HIBADH: variants seen among roughly 807,000 people sequenced by gnomAD.
HIBADH encodes the protein 3-hydroxyisobutyrate dehydrogenase, mitochondrial.
A neutral mutation model predicts 36.1 loss-of-function variants in HIBADH; 25 were observed. The ratio of observed to expected loss-of-function variants is 0.69; its 90% CI spans 0.50 to 0.97. HIBADH has a LOEUF of 0.97. Among genes scored for constraint, HIBADH ranks in the 50% least tolerant of loss-of-function variants. HIBADH has a pLI of 0.00. For synonymous variants in HIBADH, 160 were observed against 149.5 expected (o/e 1.07, Z -0.51); for missense variants, 421 against 418.0 (o/e 1.01, Z -0.06).
intron 4 of HIBADH, among the ~76,000 whole-genome samples, chr7:27,601,348 T>G (rs1228594818): frequency 6.6e-6 from 1 of 152,128 alleles, no homozygotes; most frequent in East Asian, 1.9e-4. Context: ...ACCAATATAA[T>G]TCTTTCAGTA....
At chr7:27,608,936 C>T (rs1305192284) in intron 4 of HIBADH, among the ~76,000 whole-genome samples, 1 of 152,182 alleles carries the variant, frequency 6.6e-6, no homozygotes, top group African/African-American at 2.4e-5. Flanking sequence ...AACACAGGTT[C>T]CCCCTCTACC....
At chr7:27,535,249 T>C (rs1784056741) in intron 6 of HIBADH, among the ~76,000 whole-genome samples, 1 of 151,982 alleles carries the variant, frequency 6.6e-6, no homozygotes, top group Non-Finnish European at 1.5e-5. Context: ...ACAAGCTTTT[T>C]GGCCATTTAC....
chr7:27,653,195 A>C (rs946801001), intron 1 of HIBADH, among the ~76,000 whole-genome samples: 1 of 152,222 alleles, frequency 6.6e-6, no homozygotes, highest in African/African-American at 2.4e-5. Context: ...GTCCATAACA[A>C]AGTCAAAATT....
At chr7:27,629,296 T>C in intron 4 of HIBADH, 75 bp downstream of exon 4, 2 of 1,446,086 alleles carry the variant, frequency 1.4e-6, no homozygotes, top group East Asian at 2.4e-5. Context: ...TACAAAACCA[T>C]ATGGTACAAC....
chr7:27,546,560 C>T (rs114275588), intron 4 of HIBADH, among the ~76,000 whole-genome samples: 1,701 of 152,196 alleles, frequency 0.011, 38 homozygotes, highest in African/African-American at 0.039. Flanking sequence ...GTTTGGGCCG[C>T]ACCTATAAAT....
chr7:27,591,725 T>G (rs898403632), intron 4 of HIBADH, among the ~76,000 whole-genome samples: 1 of 152,258 alleles, frequency 6.6e-6, no homozygotes, highest in Non-Finnish European at 1.5e-5. Context: ...TACAACTAAA[T>G]CTGTCCCCTT....
intron 1 of HIBADH, among the ~76,000 whole-genome samples, chr7:27,653,803 G>A (rs1786245392): frequency 6.6e-6 from 1 of 152,148 alleles, no homozygotes; most frequent in Non-Finnish European, 1.5e-5. Context: ...GATATACCTG[G>A]TAGCCATTTG....
intron 4 of HIBADH, 82 bp from the exon 5 acceptor site, chr7:27,543,182 C>A: frequency 2.7e-6 from 4 of 1,455,982 alleles, no homozygotes; most frequent in Non-Finnish European, 2.8e-6. Flanking sequence ...ATTAGAGAAA[C>A]CAACTAAAAA....
At chr7:27,658,414 C>T (rs948127269) in intron 1 of HIBADH, among the ~76,000 whole-genome samples, 2 of 152,132 alleles carry the variant, frequency 1.3e-5, no homozygotes, top group African/African-American at 4.8e-5. Context: ...GAAAACTTGG[C>T]AAAGTTTGTT....
At chr7:27,550,090 T>C (rs1433144968) in intron 4 of HIBADH, among the ~76,000 whole-genome samples, 1 of 152,062 alleles carries the variant, frequency 6.6e-6, no homozygotes, top group Non-Finnish European at 1.5e-5. Flanking sequence ...TTTGTATTTT[T>C]AGTAGAGATG....
intron 4 of HIBADH, among the ~76,000 whole-genome samples, chr7:27,557,048 G>A (rs1019184463): frequency 9.2e-5 from 14 of 151,960 alleles, no homozygotes; most frequent in South Asian, 4.2e-4. Flanking sequence ...GCTGAGGCAG[G>A]AGGATCACTT....
At chr7:27,554,995 A>G (rs1290327084) in intron 4 of HIBADH, among the ~76,000 whole-genome samples, 1 of 152,228 alleles carries the variant, frequency 6.6e-6, no homozygotes, top group Admixed American at 6.5e-5. Context: ...GTGCATTAAC[A>G]TAACATTAAG....
At chr7:27,648,506 A>G (rs1786118028) in intron 2 of HIBADH, among the ~76,000 whole-genome samples, 2 of 152,194 alleles carry the variant, frequency 1.3e-5, no homozygotes, top group African/African-American at 4.8e-5. Context: ...ATTTACTTTC[A>G]AGTCTATTAT....
At position 27,531,204 on chromosome 7, in the gene HIBADH, T is replaced by C; in HGVS notation, c.840A>G (p.Thr280=). Residue 280 remains threonine (T), a synonymous_variant, in exon 7 of 8, where the codon ACA becomes ACG. Coordinates refer to ENST00000265395, the MANE Select transcript of HIBADH (RefSeq NM_152740.4). ...ACATTTACCATACCTTAGCCATGAG[T>C]GTTGTTCCAAATCCACCCTGATAGT... ...ANNYQGGFGT[T]LMAKDLGLAQ... 2.5e-6 allele frequency: 4 copies of C among 1,613,680 alleles called. No homozygotes were observed. Among genetic ancestry groups the C allele is most frequent in the South Asian group, 2.2e-5 (2 of 90,964 alleles).
intron 4 of HIBADH, among the ~76,000 whole-genome samples, chr7:27,577,480 T>G (rs1784729001): frequency 1.3e-5 from 2 of 152,174 alleles, no homozygotes; most frequent in Non-Finnish European, 2.9e-5. Context: ...ATTTCTCTCT[T>G]AAAATGAATA....
intron 4 of HIBADH, among the ~76,000 whole-genome samples, chr7:27,613,031 TTACATAATATATAAATA>T: frequency 7.6e-6 from 1 of 131,186 alleles, no homozygotes; most frequent in East Asian, 2.0e-4. Context: ...TATATTATAT[TTACATAATATATAAATA>T]TATATAATAT....
At chr7:27,657,006 T>C (rs1172877919) in intron 1 of HIBADH, among the ~76,000 whole-genome samples, 1 of 152,160 alleles carries the variant, frequency 6.6e-6, no homozygotes, top group African/African-American at 2.4e-5. Context: ...AACTAATACA[T>C]GGTAATGGCA....
chr7:27,570,203 G>A (rs758883111), intron 4 of HIBADH, among the ~76,000 whole-genome samples: 19 of 152,116 alleles, frequency 1.2e-4, no homozygotes, highest in Non-Finnish European at 2.2e-4. Flanking sequence ...AGCTTCTCCA[G>A]GCACTCTGCC....
Position 27,649,576 on chromosome 7 carries a change from A to G in HIBADH, c.149T>C (p.Met50Thr). 1 of 1,613,962 alleles carries G rather than the reference A, an allele frequency of 6.2e-7. No homozygotes were observed. The highest frequency in any genetic ancestry group is 8.5e-7 in the Non-Finnish European group (1 of 1,179,874). ...GAGATTTTTTGCCATTGGATTCCCCATGTTGCCCAGTCCAATGAATCCAAC... is the reference window on the plus strand; with the variant it reads ...GAGATTTTTTGCCATTGGATTCCCCGTGTTGCCCAGTCCAATGAATCCAAC... ...TPVGFIGLGN[M>T]GNPMAKNLMK... The change falls in exon 2 of 8, where the codon ATG becomes ACG. Residue 50 changes from methionine (M) to threonine (T), a missense_variant. Met to Thr is a moderately conservative substitution (Grantham distance 81). Coordinates refer to ENST00000265395, the MANE Select transcript of HIBADH (RefSeq NM_152740.4).
Sources: gnomAD v4.1 joint callset for allele counts (sites outside exome capture counted in the v4.1 genomes callset) on GRCh38, gnomAD v4.1.1 for gene constraint, MANE v1.5 for transcripts, NCBI Gene and HGNC (gene_info 2026-07-23, HGNC 2026-07-21) for gene names.